The following MARCHF1 variants were observed in gnomAD, a reference collection of about 807,000 sequenced individuals.
The protein encoded by MARCHF1 is E3 ubiquitin-protein ligase MARCHF1.
A neutral mutation model predicts 54.2 loss-of-function variants in MARCHF1; 40 were observed. The ratio of observed to expected loss-of-function variants is 0.74; its 90% CI spans 0.57 to 0.96. The LOEUF (loss-of-function observed/expected upper bound fraction) is 0.96, where lower values mean the gene tolerates loss of function less well. Among genes scored for constraint, MARCHF1 ranks in the 40% least tolerant of loss-of-function variants. MARCHF1 has a pLI of 0.00. For missense variants in MARCHF1, 586 were observed against 656.5 expected (o/e 0.89, Z 1.17); for synonymous variants, 236 against 236.3 (o/e 1.00, Z 0.01).
intron 1 of MARCHF1, among the ~76,000 whole-genome samples, chr4:164,183,345 C>A (rs1730883437): frequency 6.6e-6 from 1 of 152,078 alleles, no homozygotes; most frequent in African/African-American, 2.4e-5. Flanking sequence ...CTGTTCAAAT[C>A]TTTACTTTTT....
chr4:164,291,557 T>C (rs1197980062), intron 1 of MARCHF1, among the ~76,000 whole-genome samples: 1 of 151,982 alleles, frequency 6.6e-6, no homozygotes, highest in Admixed American at 6.6e-5. Context: ...TATTTCATCA[T>C]TGTACAACCA....
intron 1 of MARCHF1, among the ~76,000 whole-genome samples, chr4:164,147,391 T>A (rs1234890847): frequency 6.9e-6 from 1 of 144,170 alleles, no homozygotes; most frequent in African/African-American, 2.8e-5. Context: ...TATTGCAGCA[T>A]TATTCACAAT....
At chr4:164,321,801 A>C (rs1350722262) in intron 1 of MARCHF1, among the ~76,000 whole-genome samples, 1 of 152,136 alleles carries the variant, frequency 6.6e-6, no homozygotes, top group Non-Finnish European at 1.5e-5. Context: ...AATGGCAATC[A>C]ATGGCTCTTG....
chr4:164,146,594 T>C (rs1230586117), intron 1 of MARCHF1, among the ~76,000 whole-genome samples: 1 of 151,944 alleles, frequency 6.6e-6, no homozygotes, highest in Non-Finnish European at 1.5e-5. Flanking sequence ...ATTTAATAAA[T>C]GGTACTGGGA....
chr4:164,281,427 T>C (rs1734023140), intron 1 of MARCHF1, among the ~76,000 whole-genome samples: 1 of 152,128 alleles, frequency 6.6e-6, no homozygotes, highest in African/African-American at 2.4e-5. Context: ...GGAGCATTGA[T>C]AACAATACTG....
chr4:163,809,805 CA>C (rs1348991005), intron 4 of MARCHF1, among the ~76,000 whole-genome samples: 2 of 151,746 alleles, frequency 1.3e-5, no homozygotes, highest in Non-Finnish European at 2.9e-5. Flanking sequence ...TAAACAAAAA[CA>C]AAATTTAAAA....
intron 3 of MARCHF1, among the ~76,000 whole-genome samples, chr4:163,941,584 A>G (rs1751913635): frequency 6.6e-6 from 1 of 152,070 alleles, no homozygotes; most frequent in African/African-American, 2.4e-5. Context: ...TTCTCAGTCC[A>G]TACATAACAA....
At chr4:163,769,516 G>C (rs1382187056) in intron 4 of MARCHF1, among the ~76,000 whole-genome samples, 1 of 152,102 alleles carries the variant, frequency 6.6e-6, no homozygotes, top group Non-Finnish European at 1.5e-5. Flanking sequence ...AGAATTCAAG[G>C]TGCCACATAG....
At chr4:164,291,618 A>G (rs1262608203) in intron 1 of MARCHF1, among the ~76,000 whole-genome samples, 1 of 152,036 alleles carries the variant, frequency 6.6e-6, no homozygotes, top group African/African-American at 2.4e-5. Context: ...CCTACTCCAT[A>G]CCCAGGATAT....
intron 2 of MARCHF1, among the ~76,000 whole-genome samples, chr4:164,059,143 A>C (rs1446225768): frequency 6.6e-6 from 1 of 152,236 alleles, no homozygotes; most frequent in Non-Finnish European, 1.5e-5. Flanking sequence ...GAAGGGAAAT[A>C]TAAGCTGCCA....
At chr4:163,914,872 C>T (rs553972647) in intron 3 of MARCHF1, among the ~76,000 whole-genome samples, 4 of 152,034 alleles carry the variant, frequency 2.6e-5, no homozygotes, top group African/African-American at 9.7e-5. Context: ...GAGTACATAC[C>T]TTTACCTATT....
chr4:164,190,526 G>A (rs1456824846), intron 1 of MARCHF1, among the ~76,000 whole-genome samples: 1 of 152,190 alleles, frequency 6.6e-6, no homozygotes, highest in African/African-American at 2.4e-5. Flanking sequence ...CAGGTAGGGG[G>A]CAGAAGAATT....
chr4:164,254,535 T>C (rs1204514871), intron 1 of MARCHF1, among the ~76,000 whole-genome samples: 1 of 151,698 alleles, frequency 6.6e-6, no homozygotes, highest in East Asian at 1.9e-4. Context: ...AACTCCCATA[T>C]GTATGAAGTT....
At chr4:164,113,642 T>A (rs564567716) in intron 1 of MARCHF1, among the ~76,000 whole-genome samples, 125 of 152,112 alleles carry the variant, frequency 8.2e-4, no homozygotes, top group African/African-American at 2.5e-3. Context: ...GAGAAAAATC[T>A]AATAAATAAT....
rs139650733 is a variant in MARCHF1, at chr4:163,612,270, C to G, written c.1010+1G>C. On this transcript the variant is annotated splice_donor_variant, in intron 7 of 9. Coordinates refer to ENST00000514618, the MANE Select transcript of MARCHF1 (RefSeq NM_001394959.1). LOFTEE classifies it high-confidence loss of function. ...TCAAGCCTTTCTCTACAGTGACTGA[C>G]CTGCATACTTCTAAATTATCAGACC... 3.5e-5 allele frequency: 52 copies of G among 1,493,146 alleles called. No homozygotes were observed. Among genetic ancestry groups the G allele is most frequent in the Non-Finnish European group, 4.3e-5 (49 of 1,130,792 alleles). 92.5% of individuals were successfully genotyped at this position (1,493,146 alleles called of 1,614,324 possible).
chr4:163,829,831 A>G (rs188960996), intron 4 of MARCHF1, among the ~76,000 whole-genome samples: 7 of 152,344 alleles, frequency 4.6e-5, no homozygotes, highest in Admixed American at 4.6e-4. Flanking sequence ...AAACAATTGG[A>G]CGGCAGGCCT....
At chr4:163,611,970 A>G (rs1284860776) in intron 7 of MARCHF1, among the ~76,000 whole-genome samples, 1 of 152,066 alleles carries the variant, frequency 6.6e-6, no homozygotes, top group Non-Finnish European at 1.5e-5. Flanking sequence ...TAATTCCCCC[A>G]CTATTACTGT....
At position 163,612,952 on chromosome 4, in the gene MARCHF1, C is replaced by G; in HGVS notation, c.329G>C (p.Gly110Ala). Residue 110 changes from glycine to alanine, a missense_variant, in exon 7 of 10, where the codon GGT becomes GCT. Physicochemically the swap from Gly to Ala is moderately conservative, Grantham distance 60. Transcript: ENST00000514618. ...MVLSPARKES[G>A]KKSVIQRPRR... ...AGGTCTTTGTATTACTGATTTCTTA[C>G]CAGACTCCTTCCTAGCAGGGCTCAG... 3.3e-6 allele frequency: 5 copies of G among 1,534,934 alleles called. No individual in the cohort carries two copies. Among genetic ancestry groups the G allele is most frequent in the Non-Finnish European group, 4.4e-6 (5 of 1,146,286 alleles).
chr4:163,922,819 G>A (rs1193184575), intron 3 of MARCHF1, among the ~76,000 whole-genome samples: 1 of 152,040 alleles, frequency 6.6e-6, no homozygotes, highest in Non-Finnish European at 1.5e-5. Context: ...ATAAAGAGTT[G>A]TTTCTTTCAA....
Sources: allele counts gnomAD v4.1 joint callset (sites outside exome capture counted in the v4.1 genomes callset), GRCh38; gene constraint gnomAD v4.1.1; transcripts MANE v1.5; gene names NCBI Gene and HGNC (gene_info 2026-07-23, HGNC 2026-07-21).